KLF15: variants seen among roughly 807,000 people sequenced by gnomAD.
The protein encoded by KLF15 is Krueppel-like factor 15.
Under a neutral mutation model 24.6 loss-of-function variants are expected in KLF15, and 4 were observed. That is an observed-to-expected ratio of 0.16 (90% CI 0.08 to 0.37). The LOEUF (loss-of-function observed/expected upper bound fraction) is 0.37. KLF15 is among the 10% of genes least tolerant of loss of function. KLF15 has a pLI of 1.00. For synonymous variants in KLF15, 246 were observed against 236.3 expected, an observed-to-expected ratio of 1.04 and a Z score of -0.37; for missense variants, 496 against 560.6, an observed-to-expected ratio of 0.88 and a Z score of 1.16.
rs759841949 is a variant in KLF15, at chr3:126,352,399, G to A, written c.524C>T (p.Ala175Val). Residue 175 changes from alanine to valine, a missense_variant, in exon 2 of 3, where the codon GCT becomes GTT. Around this residue, in one of 3 missense-constraint regions of KLF15, gnomAD observed 399 missense variants for 423.1 expected, o/e 0.94. Coordinates refer to ENST00000296233, the MANE Select transcript of KLF15 (RefSeq NM_014079.4). ...ATGGAGGTGGCTCTTGTGTGGCCCA[G>A]CTGAGAGCTGGCTGCAGGCATCCAA... is the stretch of plus-strand genomic sequence containing the variant. ...KDLDACSQLS[A>V]GPHKSHLHPG... is the part of the protein sequence containing the mutation. The A allele has an allele frequency of 1.9e-6, 3 of 1,613,310 alleles. No homozygotes were observed. Among genetic ancestry groups the A allele is most frequent in the South Asian group, 2.2e-5 (2 of 91,056 alleles).
At chr3:126,334,067 T>C in the KLF15 span, among the ~76,000 whole-genome samples, 9 of 152,012 alleles carry the variant, frequency 5.9e-5, no homozygotes, top group Admixed American at 2.0e-4. Context: ...CTGCACCAAG[T>C]GGACCTAATA....
At chr3:126,305,461 C>G in the KLF15 span, among the ~76,000 whole-genome samples, 1 of 152,196 alleles carries the variant, frequency 6.6e-6, no homozygotes, top group Non-Finnish European at 1.5e-5. Context: ...ACAAATCCAG[C>G]ATCACATCCA....
At chr3:126,329,957 C>T in the KLF15 span, among the ~76,000 whole-genome samples, 1 of 151,850 alleles carries the variant, frequency 6.6e-6, no homozygotes, top group Non-Finnish European at 1.5e-5. Flanking sequence ...TGTTAGTGCC[C>T]TCAGTGATGG....
chr3:126,311,763 C>T, the KLF15 span, among the ~76,000 whole-genome samples: 1 of 152,194 alleles, frequency 6.6e-6, no homozygotes, highest in African/African-American at 2.4e-5. Flanking sequence ...CTCCCCTCAC[C>T]CCCTGAGCCG....
chr3:126,333,281 A>T, the KLF15 span, among the ~76,000 whole-genome samples: 2 of 102,742 alleles, frequency 1.9e-5, no homozygotes, highest in African/African-American at 8.5e-5. Context: ...ATTCTTAAAG[A>T]AAAGAATTTT....
At chr3:126,354,498 A>C (rs2082614927) in intron 1 of KLF15, among the ~76,000 whole-genome samples, 1 of 152,116 alleles carries the variant, frequency 6.6e-6, no homozygotes, top group Non-Finnish European at 1.5e-5. Flanking sequence ...AAAGATCTCT[A>C]AGTCTCTTCC....
chr3:126,301,775 C>T, the KLF15 span, among the ~76,000 whole-genome samples: 3 of 151,684 alleles, frequency 2.0e-5, no homozygotes, highest in East Asian at 1.9e-4. Context: ...CCACCATGCC[C>T]GGCTAATTTT....
the KLF15 span, among the ~76,000 whole-genome samples, chr3:126,328,072 C>A: frequency 6.6e-6 from 1 of 151,832 alleles, no homozygotes; most frequent in Admixed American, 6.6e-5. Context: ...TCTTTTATAC[C>A]TTGCCCCCCT....
At chr3:126,303,049 T>G in the KLF15 span, among the ~76,000 whole-genome samples, 47 of 152,312 alleles carry the variant, frequency 3.1e-4, no homozygotes, top group Admixed American at 5.2e-4. Context: ...TTTTAATGGT[T>G]GCTTTAGAAT....
intron 2 of KLF15, among the ~76,000 whole-genome samples, chr3:126,350,471 A>C (rs955318457): frequency 7.9e-5 from 12 of 152,250 alleles, no homozygotes; most frequent in Admixed American, 6.5e-5. Flanking sequence ...TTCTCTGGCC[A>C]GATTGGCACT....
the KLF15 span, among the ~76,000 whole-genome samples, chr3:126,308,151 A>G: frequency 6.6e-6 from 1 of 152,196 alleles, no homozygotes; most frequent in South Asian, 2.1e-4. Context: ...TCTGAGATGG[A>G]CAGAGACATA....
At chr3:126,353,023 C>A in intron 1 of KLF15, 76 bp from the exon 2 acceptor site, 1 of 1,455,386 alleles carries the variant, frequency 6.9e-7, no homozygotes, top group Non-Finnish European at 9.1e-7. Context: ...CTGACCCCAC[C>A]CTCAGCTGCC....
At chr3:126,316,486 A>ATG in the KLF15 span, among the ~76,000 whole-genome samples, 3 of 25,714 alleles carry the variant, frequency 1.2e-4, no homozygotes, top group East Asian at 6.3e-4. Context: ...GGGAGTCCAC[A>ATG]GGCCGGAGTG....
chr3:126,354,046 C>G (rs868506967), intron 1 of KLF15: 1 of 152,384 alleles, frequency 6.6e-6, no homozygotes, highest in Non-Finnish European at 1.5e-5. Flanking sequence ...CCTGTCTCCC[C>G]CTGAGACAGT....
At chr3:126,308,080 G>C in the KLF15 span, among the ~76,000 whole-genome samples, 7 of 152,144 alleles carry the variant, frequency 4.6e-5, no homozygotes, top group Non-Finnish European at 8.8e-5. Flanking sequence ...TGGCTGGGAC[G>C]GGGGCACCTT....
intron 1 of KLF15, among the ~76,000 whole-genome samples, chr3:126,355,971 C>T (rs2082627643): frequency 6.6e-6 from 1 of 152,214 alleles, no homozygotes; most frequent in Non-Finnish European, 1.5e-5. Context: ...AGGCTGCGTG[C>T]AGGGGGAGGG....
the KLF15 span, among the ~76,000 whole-genome samples, chr3:126,310,978 G>A: frequency 1.3e-5 from 2 of 151,920 alleles, no homozygotes; most frequent in Non-Finnish European, 2.9e-5. Context: ...TCGCCACCGC[G>A]GCCCACTCTG....
At chr3:126,332,304 G>A in the KLF15 span, among the ~76,000 whole-genome samples, 5 of 148,428 alleles carry the variant, frequency 3.4e-5, no homozygotes, top group Admixed American at 6.9e-5. Flanking sequence ...CCCCCCAGCA[G>A]GGGCACACTG....
chr3:126,313,260 G>A, the KLF15 span, among the ~76,000 whole-genome samples: 1 of 152,188 alleles, frequency 6.6e-6, no homozygotes. Flanking sequence ...CAGGCCGTGG[G>A]AGAATCCAAC....
Sources: allele counts gnomAD v4.1 joint callset (sites outside exome capture counted in the v4.1 genomes callset), GRCh38; gene constraint gnomAD v4.1.1; regional missense constraint gnomAD v4.1.1; transcripts MANE v1.5; gene names NCBI Gene and HGNC (gene_info 2026-07-23, HGNC 2026-07-21).